Variants in NLGN1 observed in about 807,000 individuals in gnomAD.
The protein encoded by NLGN1 is neuroligin 1, also known as neuroligin-1.
A neutral mutation model predicts 65.5 loss-of-function variants in NLGN1; 12 were observed. That is an observed-to-expected ratio of 0.18 (90% CI 0.12 to 0.30). NLGN1 has a LOEUF of 0.30. NLGN1 is among the 10% of genes least tolerant of loss of function. The probability of loss-of-function intolerance (pLI) is 1.00; values close to 1 mark genes in which losing one functional copy is unlikely to be tolerated. For missense variants in NLGN1, 750 were observed against 1,007.1 expected, an observed-to-expected ratio of 0.74 and a Z score of 3.46; for synonymous variants, 350 against 359.5, an observed-to-expected ratio of 0.97 and a Z score of 0.30.
At chr3:173,553,945 T>A (rs751461712) in intron 2 of NLGN1, among the ~76,000 whole-genome samples, 3 of 152,162 alleles carry the variant, frequency 2.0e-5, no homozygotes, top group Non-Finnish European at 1.5e-5. Context: ...TATTCGCACA[T>A]CAAAGAGAAG....
intron 2 of NLGN1, among the ~76,000 whole-genome samples, chr3:173,492,457 C>G (rs1302470173): frequency 6.6e-6 from 1 of 151,544 alleles, no homozygotes; most frequent in Non-Finnish European, 1.5e-5. Context: ...ATGGGTCAAT[C>G]AAGCTGTATT....
intron 3 of NLGN1, among the ~76,000 whole-genome samples, chr3:173,732,049 A>G (rs1455884177): frequency 6.6e-6 from 1 of 152,130 alleles, no homozygotes; most frequent in Admixed American, 6.6e-5. Context: ...ACCAGTGGTT[A>G]GGATAGTATT....
At chr3:173,811,063 T>C (rs1717814261) in intron 4 of NLGN1, among the ~76,000 whole-genome samples, 1 of 152,242 alleles carries the variant, frequency 6.6e-6, no homozygotes, top group Non-Finnish European at 1.5e-5. Flanking sequence ...TCACACTTCT[T>C]ATACACTAAA....
intron 4 of NLGN1, among the ~76,000 whole-genome samples, chr3:173,916,148 C>G (rs1471947206): frequency 6.6e-6 from 1 of 152,124 alleles, no homozygotes; most frequent in African/African-American, 2.4e-5. Context: ...GTTATATAAA[C>G]TAGCACAGTG....
chr3:174,049,967 C>T (rs567823109), intron 4 of NLGN1, among the ~76,000 whole-genome samples: 11 of 151,846 alleles, frequency 7.2e-5, no homozygotes, highest in African/African-American at 2.2e-4. Flanking sequence ...CTATGTTACA[C>T]TAAATAATTT....
At chr3:173,909,796 A>G (rs2152217119) in intron 4 of NLGN1, among the ~76,000 whole-genome samples, 1 of 152,256 alleles carries the variant, frequency 6.6e-6, no homozygotes, top group African/African-American at 2.4e-5. Flanking sequence ...CTCCTGCCTC[A>G]GCCTCCTGAG....
chr3:173,517,505 A>G (rs542065949), intron 2 of NLGN1, among the ~76,000 whole-genome samples: 2 of 152,188 alleles, frequency 1.3e-5, no homozygotes, highest in African/African-American at 4.8e-5. Flanking sequence ...CAAAACATAC[A>G]ATGGACTAAT....
intron 3 of NLGN1, among the ~76,000 whole-genome samples, chr3:173,667,653 C>A (rs1761893255): frequency 6.6e-6 from 1 of 151,556 alleles, no homozygotes; most frequent in Non-Finnish European, 1.5e-5. Context: ...TTTTTGAGTT[C>A]AAGTCTCACT....
At chr3:173,934,959 G>A (rs1238848743) in intron 4 of NLGN1, among the ~76,000 whole-genome samples, 1 of 151,988 alleles carries the variant, frequency 6.6e-6, no homozygotes, top group Non-Finnish European at 1.5e-5. Context: ...TTGCAACCTT[G>A]TGAGGTAGGT....
At chr3:173,698,045 AAAC>A (rs1397392442) in intron 3 of NLGN1, among the ~76,000 whole-genome samples, 2 of 151,338 alleles carry the variant, frequency 1.3e-5, no homozygotes, top group Non-Finnish European at 3.0e-5. Flanking sequence ...AAAAAAAAAA[AAAC>A]AAACTTATTT....
chr3:174,062,225 A>G (rs552840670), intron 4 of NLGN1, among the ~76,000 whole-genome samples: 1 of 152,220 alleles, frequency 6.6e-6, no homozygotes, highest in African/African-American at 2.4e-5. Flanking sequence ...AAGCTTTTGA[A>G]GCTTGGGAGT....
chr3:174,211,206 A>G (rs575222863), intron 4 of NLGN1, among the ~76,000 whole-genome samples: 221 of 152,320 alleles, frequency 1.5e-3, no homozygotes, highest in African/African-American at 5.1e-3. Flanking sequence ...AAGCTTCCGC[A>G]GTGTGGAAGG....
chr3:173,972,775 G>C (rs917323963), intron 4 of NLGN1, among the ~76,000 whole-genome samples: 1 of 152,068 alleles, frequency 6.6e-6, no homozygotes, highest in Non-Finnish European at 1.5e-5. Context: ...AAACAGAGTA[G>C]TTGTTCTCAA....
chr3:174,153,633 A>C (rs1418356120), intron 4 of NLGN1, among the ~76,000 whole-genome samples: 2 of 152,152 alleles, frequency 1.3e-5, no homozygotes, highest in Non-Finnish European at 2.9e-5. Flanking sequence ...GTTGGCTCAT[A>C]ATTAAAATCA....
intron 4 of NLGN1, among the ~76,000 whole-genome samples, chr3:174,059,388 G>A (rs1736889824): frequency 6.6e-6 from 1 of 152,084 alleles, no homozygotes; most frequent in African/African-American, 2.4e-5. Context: ...ATTGCAAATG[G>A]GATGAAATGG....
chr3:173,605,182 ATG>A, intron 3 of NLGN1, 91 bp downstream of exon 2: 1 of 1,067,722 alleles, frequency 9.4e-7, no homozygotes, highest in Non-Finnish European at 1.3e-6. Flanking sequence ...TACTGGTAGT[ATG>A]CATGGCTTTT....
intron 2 of NLGN1, among the ~76,000 whole-genome samples, chr3:173,463,918 A>G (rs1490491890): frequency 6.6e-6 from 1 of 152,028 alleles, no homozygotes; most frequent in Non-Finnish European, 1.5e-5. Context: ...GTTGTTACTT[A>G]AAGATAAATT....
Position 174,055,150 on chromosome 3 carries a change from C to CTTTT in NLGN1, c.647-220149_647-220146dup, listed in dbSNP as rs113474137. On this transcript the variant is annotated intron_variant, in intron 4 of 6. Transcript: ENST00000457714. ...AATATCAACTCCTTAAAGGAGCTTG[C>CTTTT]TTTTTTTTTTTTTTTTTTTCTGTCC... is the stretch of plus-strand genomic sequence containing the variant. Among the ~76,000 whole-genome samples, 81 of 117,544 alleles carry CTTTT rather than the reference C, an allele frequency of 6.9e-4. 1 individual carries two copies. Among genetic ancestry groups the CTTTT allele is most frequent in the Non-Finnish European group, 1.1e-3 (58 of 54,740 alleles). The allele number at this position is 117,544 out of a possible 152,430, so 77.1% of individuals were successfully genotyped here.
intron 3 of NLGN1, among the ~76,000 whole-genome samples, chr3:173,797,693 C>CA (rs1312419518): frequency 0.016 from 918 of 56,512 alleles, 15 homozygotes; most frequent in African/African-American, 0.043. Flanking sequence ...ACAACAACAA[C>CA]AACAACAAAA....
Sources: gnomAD v4.1 joint callset for allele counts (sites outside exome capture counted in the v4.1 genomes callset) on GRCh38, gnomAD v4.1.1 for gene constraint, MANE v1.5 for transcripts, NCBI Gene and HGNC (gene_info 2026-07-23, HGNC 2026-07-21) for gene names.